Variants in ISG20 observed in about 807,000 individuals in gnomAD.
ISG20 encodes the protein interferon-stimulated gene 20 kDa protein.
A neutral mutation model predicts 11.1 loss-of-function variants in ISG20; 8 were observed. That is an observed-to-expected ratio of 0.72 (90% CI 0.42 to 1.30). The LOEUF (loss-of-function observed/expected upper bound fraction) is 1.30, where lower values mean the gene tolerates loss of function less well. ISG20 is among the 50% of genes most tolerant of loss of function. ISG20 has a pLI of 0.01. For missense variants in ISG20, 243 were observed against 250.2 expected, an observed-to-expected ratio of 0.97 and a Z score of 0.19; for synonymous variants, 110 against 101.7, an observed-to-expected ratio of 1.08 and a Z score of -0.49.
intron 2 of ISG20, among the ~76,000 whole-genome samples, chr15:88,641,383 C>T (rs552644708): frequency 3.3e-5 from 5 of 152,256 alleles, no homozygotes; most frequent in Admixed American, 2.6e-4. Flanking sequence ...AAGCACCACA[C>T]ACTGGTGGCT....
chr15:88,654,339 TAAAAC>T (rs1181358405), intron 3 of ISG20, among the ~76,000 whole-genome samples: 5 of 151,942 alleles, frequency 3.3e-5, no homozygotes, highest in African/African-American at 1.2e-4. Context: ...AGCCAAAAAA[TAAAAC>T]TAAACATTAA....
intron 2 of ISG20, chr15:88,651,064 G>C (rs1015520639): frequency 6.0e-6 from 2 of 332,480 alleles, no homozygotes; most frequent in Non-Finnish European, 8.6e-6. Context: ...TGCCTGGCTG[G>C]TGGCCGGACT....
rs202155196 is a variant in ISG20, at chr15:88,639,380, G to T, written c.14G>T (p.Arg5Leu). 1.2e-6 allele frequency: 2 copies of T among 1,612,426 alleles called. No homozygotes were observed. Among genetic ancestry groups the T allele is most frequent in the Non-Finnish European group, 1.7e-6 (2 of 1,179,148 alleles). ...TCCCCAAGGAACATGGCTGGGAGCC[G>T]TGAGGTGGTGGCCATGGACTGCGAG... MAGS[R>L]EVVAMDCEMV... The change falls in exon 2 of 4, where the codon CGT (arginine) becomes CTT (leucine). Residue 5 changes from arginine to leucine, a missense_variant. Transcript: ENST00000306072. The surrounding 1 kb of genome is among the most constrained non-coding windows in gnomAD (Gnocchi z 4.2).
At chr15:88,646,461 T>G (rs1191434210) in intron 2 of ISG20, among the ~76,000 whole-genome samples, 2 of 152,144 alleles carry the variant, frequency 1.3e-5, no homozygotes, top group Admixed American at 1.3e-4. Context: ...AAATGCTAAG[T>G]GTCCAATGTA....
chr15:88,647,652 G>A (rs143278482), intron 2 of ISG20: 1 of 152,340 alleles, frequency 6.6e-6, no homozygotes, highest in African/African-American at 2.4e-5. Context: ...ACAAATCACT[G>A]CTCAGATTCA....
intron 3 of ISG20, 55 bp from the exon 4 acceptor site, chr15:88,655,360 G>C: frequency 6.6e-7 from 1 of 1,506,784 alleles, no homozygotes; most frequent in South Asian, 1.1e-5. Flanking sequence ...ACCCTGTCAC[G>C]GGGCCTCTGA....
At chr15:88,640,990 GT>G (rs1172800068) in intron 2 of ISG20, among the ~76,000 whole-genome samples, 99 of 151,674 alleles carry the variant, frequency 6.5e-4, no homozygotes, top group African/African-American at 2.2e-3. Context: ...TTGTATGTCT[GT>G]TTTATTATTA....
chr15:88,642,086 C>T lies in ISG20; in HGVS notation c.228+2492C>T, dbSNP rs761965343. On this transcript the variant is annotated intron_variant, in intron 2 of 3. Transcript: ENST00000306072. The stretch of plus-strand genomic sequence containing the variant: ...GTTGTAGTATAGGTGTCCGCCACCA[C>T]GCCTGGCTAATTTTTTATTTTTAGT... Among the ~76,000 whole-genome samples the T allele has an allele frequency of 3.9e-5, 6 of 152,162 alleles. No individual in the cohort carries two copies. The South Asian group carries it at 1.0e-3, about 26-fold the overall frequency.
rs1042739484 is a variant in ISG20, at chr15:88,639,312, G to A, written c.-24-31G>A. On this transcript the variant is annotated intron_variant, in intron 1 of 3. Coordinates refer to ENST00000306072, the MANE Select transcript of ISG20 (RefSeq NM_002201.6). This position sits in a 1 kb window ranked among gnomAD's most constrained non-coding sequence, Gnocchi z 4.2. ...ACCTGGAGGCTTGGTTTGCCCAAGC[G>A]TGAGACCGCCCCCCATACCCCTCTC... 1.3e-5 allele frequency: 18 copies of A among 1,418,010 alleles called. No individual in the cohort carries two copies. In the African/African-American group the frequency reaches 2.0e-4, roughly 16 times the overall value. 87.8% of individuals were successfully genotyped at this position (1,418,010 alleles called of 1,614,324 possible). A position where few individuals can be genotyped will look rare whatever the true frequency, so the allele number is the denominator to read the frequency against.
chr15:88,655,580 G>A lies in ISG20; in HGVS notation c.*49G>A, dbSNP rs890678253. 2 of 1,345,316 alleles carry A rather than the reference G, an allele frequency of 1.5e-6. No homozygotes were observed. The highest frequency in any genetic ancestry group is 1.5e-5 in the African/African-American group (1 of 68,026). 83.3% of individuals were successfully genotyped at this position (1,345,316 alleles called of 1,614,324 possible). A position where few individuals can be genotyped will look rare whatever the true frequency, so the allele number is the denominator to read the frequency against. On this transcript the variant is annotated 3_prime_UTR_variant, in exon 4 of 4. Coordinates refer to ENST00000306072, the MANE Select transcript of ISG20 (RefSeq NM_002201.6). ...GGGACTAGAGGCTTTCGGCTTTTTG[G>A]GACAGCAACTACCTTGCTTTTGGAA...
upstream of ISG20, among the ~76,000 whole-genome samples, chr15:88,635,801 G>A (rs2057976397): frequency 6.6e-6 from 1 of 152,114 alleles, no homozygotes; most frequent in South Asian, 2.1e-4. Context: ...ATACATTCAT[G>A]ACATAAGTAG....
chr15:88,647,619 A>G (rs2058200739), intron 2 of ISG20: 1 of 152,230 alleles, frequency 6.6e-6, no homozygotes. Flanking sequence ...TGATTTGCCT[A>G]AGGACATACA....
intron 2 of ISG20, chr15:88,651,797 T>G: frequency 8.4e-7 from 1 of 1,183,994 alleles, no homozygotes. Context: ...TTAAACAACA[T>G]AATATACATG....
At chr15:88,646,395 T>C (rs1280240046) in intron 2 of ISG20, among the ~76,000 whole-genome samples, 6 of 152,242 alleles carry the variant, frequency 3.9e-5, no homozygotes. Context: ...TTCTGGCTCC[T>C]GAGCTGGAGC....
intron 2 of ISG20, chr15:88,649,529 A>T (rs2141401036): frequency 6.6e-6 from 1 of 152,472 alleles, no homozygotes; most frequent in South Asian, 2.1e-4. Flanking sequence ...AACAGGCCAC[A>T]TTGTTCAGGA....
intron 2 of ISG20, chr15:88,646,994 C>T (rs945784620): frequency 6.6e-6 from 1 of 152,440 alleles, no homozygotes; most frequent in Non-Finnish European, 1.5e-5. Context: ...TGGTCTTGAA[C>T]TCCTGGCCTC....
At chr15:88,637,943 T>C (rs2058011591), upstream of ISG20, among the ~76,000 whole-genome samples, 2 of 152,184 alleles carry the variant, frequency 1.3e-5, no homozygotes, top group Admixed American at 6.5e-5. Context: ...TCAAAAACTC[T>C]CACACCTCAA....
intron 2 of ISG20, among the ~76,000 whole-genome samples, chr15:88,641,841 A>G (rs537704743): frequency 1.3e-5 from 2 of 151,222 alleles, no homozygotes; most frequent in East Asian, 3.9e-4. Context: ...CATGTTGGCC[A>G]GGCTAGACTC....
intron 2 of ISG20, among the ~76,000 whole-genome samples, chr15:88,645,643 A>T (rs1023658138): frequency 6.6e-6 from 1 of 152,050 alleles, no homozygotes; most frequent in East Asian, 1.9e-4. Context: ...CTCATAGCTC[A>T]GCCATTGCCT....
Sources: gnomAD v4.1 joint callset for allele counts (sites outside exome capture counted in the v4.1 genomes callset) on GRCh38, gnomAD v4.1.1 for gene constraint, Gnocchi (gnomAD v3.1) non-coding constraint, MANE v1.5 for transcripts, NCBI Gene and HGNC (gene_info 2026-07-23, HGNC 2026-07-21) for gene names.